FMN1: variants seen among roughly 807,000 people sequenced by gnomAD.
The protein encoded by FMN1 is formin 1, also known as formin-1.
FMN1 carries 110 observed loss-of-function variants against 132.4 expected under a neutral mutation model. The observed-to-expected ratio is 0.83, with a 90% CI of 0.71 to 0.97. The LOEUF (loss-of-function observed/expected upper bound fraction) is 0.97, where lower values mean the gene tolerates loss of function less well. Ranked by LOEUF, FMN1 falls within the 50% of genes least tolerant of loss-of-function variation. The probability of loss-of-function intolerance (pLI) is 0.00; values close to 1 mark genes in which losing one functional copy is unlikely to be tolerated. For missense variants in FMN1, 1,792 were observed against 1,705.3 expected (o/e 1.05, Z -0.90); for synonymous variants, 722 against 651.7 (o/e 1.11, Z -1.64).
intron 4 of FMN1, among the ~76,000 whole-genome samples, chr15:33,123,399 C>G (rs1426633739): frequency 3.3e-5 from 5 of 152,146 alleles, no homozygotes; most frequent in Non-Finnish European, 5.9e-5. Flanking sequence ...AGTATACAGA[C>G]TTGGTTCAAA....
intron 5 of FMN1, among the ~76,000 whole-genome samples, chr15:33,070,129 C>T (rs1162312696): frequency 6.6e-6 from 1 of 150,838 alleles, no homozygotes; most frequent in East Asian, 1.9e-4. Context: ...CCTCGGCCTC[C>T]TGAGTAGCTG....
chr15:32,826,335 G>C (rs1386049607), intron 17 of FMN1, among the ~76,000 whole-genome samples: 1 of 152,246 alleles, frequency 6.6e-6, no homozygotes, highest in African/African-American at 2.4e-5. Context: ...CAGCCTGAGA[G>C]GCTACAGGCC....
chr15:32,934,498 CTG>C (rs932644589), intron 9 of FMN1, among the ~76,000 whole-genome samples: 2 of 151,914 alleles, frequency 1.3e-5, no homozygotes, highest in African/African-American at 2.4e-5. Flanking sequence ...AAAGGCTTTC[CTG>C]TATCATTTCT....
intron 6 of FMN1, among the ~76,000 whole-genome samples, chr15:33,020,825 A>G (rs551975083): frequency 1.5e-4 from 23 of 152,308 alleles, no homozygotes; most frequent in African/African-American, 4.3e-4. Context: ...TTTATATTCC[A>G]GTATTAGCCC....
intron 5 of FMN1, among the ~76,000 whole-genome samples, chr15:33,074,259 C>G (rs1490618035): frequency 6.6e-6 from 1 of 152,190 alleles, no homozygotes; most frequent in African/African-American, 2.4e-5. Context: ...GAGACAACAC[C>G]TTGCTTCTAC....
At chr15:33,105,491 C>T (rs959365818) in intron 4 of FMN1, among the ~76,000 whole-genome samples, 1 of 152,056 alleles carries the variant, frequency 6.6e-6, no homozygotes, top group Non-Finnish European at 1.5e-5. Context: ...CAGAAATAAA[C>T]GGTTGTCTTC....
chr15:33,146,862 G>A (rs1205026140), intron 4 of FMN1, among the ~76,000 whole-genome samples: 1 of 152,094 alleles, frequency 6.6e-6, no homozygotes, highest in Admixed American at 6.5e-5. Flanking sequence ...TTTTCAAAAA[G>A]TGCTTTCTCA....
chr15:32,988,556 T>C (rs2033228927), intron 7 of FMN1, among the ~76,000 whole-genome samples: 1 of 152,200 alleles, frequency 6.6e-6, no homozygotes, highest in Non-Finnish European at 1.5e-5. Flanking sequence ...ACTTTATCTT[T>C]GGCAGAGCAA....
chr15:32,992,821 A>G (rs1389795595), intron 7 of FMN1, among the ~76,000 whole-genome samples: 4 of 152,208 alleles, frequency 2.6e-5, no homozygotes, highest in Admixed American at 6.5e-5. Flanking sequence ...GTGGGTCATA[A>G]AAATCGTTCA....
At chr15:33,062,368 T>TC (rs1266078077) in intron 6 of FMN1, among the ~76,000 whole-genome samples, 1 of 152,116 alleles carries the variant, frequency 6.6e-6, no homozygotes, top group African/African-American at 2.4e-5. Flanking sequence ...ACACCTGTAA[T>TC]CCCAGCACTT....
chr15:33,079,826 A>T (rs2038376514), intron 5 of FMN1, among the ~76,000 whole-genome samples: 2 of 152,224 alleles, frequency 1.3e-5, no homozygotes, highest in African/African-American at 4.8e-5. Context: ...AGTAAATCAG[A>T]TTACTTTTTT....
At chr15:32,799,035 G>T in intron 18 of FMN1, 82 bp from the exon 19 acceptor site, 2 of 1,199,118 alleles carry the variant, frequency 1.7e-6, no homozygotes, top group South Asian at 3.1e-5. Context: ...GGGGATGCTG[G>T]GGGCAGTTTC....
At chr15:32,858,567 A>G (rs1403703775) in intron 16 of FMN1, among the ~76,000 whole-genome samples, 5 of 152,230 alleles carry the variant, frequency 3.3e-5, no homozygotes, top group East Asian at 3.9e-4. Context: ...ATTGTTTCTT[A>G]AAGAGTTTTT....
chr15:33,149,193 G>C (rs1168164481), intron 4 of FMN1, among the ~76,000 whole-genome samples: 2 of 151,830 alleles, frequency 1.3e-5, no homozygotes, highest in East Asian at 3.9e-4. Flanking sequence ...CCTCAATAAG[G>C]AATGTTAACA....
In FMN1 at chr15:32,967,426, G is replaced by A. The variant is rs1462671508; in HGVS notation, c.2987+1288C>T. Among the ~76,000 whole-genome samples, 5 of 152,308 alleles carry A rather than the reference G, an allele frequency of 3.3e-5. No homozygotes were observed. In the East Asian group the frequency reaches 7.7e-4, roughly 24 times the overall value. ...TGGGAGCTATTGCCCTGGAATGGCT[G>A]TGCACTAATTTGAGAACACTAATAC... On this transcript the variant is annotated intron_variant, in intron 8 of 20. Transcript: ENST00000616417.
intron 6 of FMN1, among the ~76,000 whole-genome samples, chr15:33,053,631 C>G (rs2037080645): frequency 6.6e-6 from 1 of 152,096 alleles, no homozygotes; most frequent in African/African-American, 2.4e-5. Flanking sequence ...CACAATACTC[C>G]CCATCTCAAG....
intron 4 of FMN1, among the ~76,000 whole-genome samples, chr15:33,147,935 GA>G (rs894606804): frequency 4.5e-4 from 66 of 147,802 alleles, no homozygotes; most frequent in South Asian, 3.4e-3. Context: ...GTTGTTTTTT[GA>G]AAAAAAAAAT....
At chr15:32,936,716 G>T (rs976439268) in intron 9 of FMN1, among the ~76,000 whole-genome samples, 2 of 151,774 alleles carry the variant, frequency 1.3e-5, no homozygotes, top group South Asian at 4.2e-4. Context: ...AGGAAAGGAA[G>T]GAAGGAGAAG....
At position 33,188,119 on chromosome 15, in the gene FMN1, G is replaced by A. The variant is rs142006528; in HGVS notation, c.-197+5790C>T. 6.8e-3 allele frequency among the ~76,000 whole-genome samples: 1,042 copies of A among 152,166 alleles called. 11 individuals are homozygous for A. The highest frequency in any genetic ancestry group is 0.024 in the African/African-American group (984 of 41,508). On this transcript the variant is annotated intron_variant, in intron 2 of 20. Transcript: ENST00000616417. ...GGAGGCCGAGGCGGGCAGATCACAA[G>A]GTCAGGAGTTCGAGACCAGCCTGGC... is the stretch of plus-strand genomic sequence containing the variant.
Sources: gnomAD v4.1 joint callset for allele counts (sites outside exome capture counted in the v4.1 genomes callset) on GRCh38, gnomAD v4.1.1 for gene constraint, MANE v1.5 for transcripts, NCBI Gene and HGNC (gene_info 2026-07-23, HGNC 2026-07-21) for gene names.